Variants in ENTREP2 observed in about 807,000 individuals in gnomAD.
ENTREP2 encodes endosomal transmembrane epsin interactor 2.
the ENTREP2 span, among the ~76,000 whole-genome samples, chr15:29,250,891 G>A: frequency 6.6e-6 from 1 of 152,158 alleles, no homozygotes; most frequent in African/African-American, 2.4e-5. Flanking sequence ...ATATAGGGAT[G>A]AAATCTGATC....
At chr15:29,251,927 T>C in the ENTREP2 span, among the ~76,000 whole-genome samples, 1 of 152,182 alleles carries the variant, frequency 6.6e-6, no homozygotes, top group African/African-American at 2.4e-5. Flanking sequence ...TTCTTTTTAA[T>C]TGAGAAATGC....
the ENTREP2 span, among the ~76,000 whole-genome samples, chr15:29,546,448 AAAG>A: frequency 6.6e-6 from 1 of 152,230 alleles, no homozygotes; most frequent in South Asian, 2.1e-4. Flanking sequence ...GGGTAAAAAA[AAAG>A]AAGGAAAAGG....
At chr15:29,220,458 C>A in the ENTREP2 span, among the ~76,000 whole-genome samples, 1 of 152,120 alleles carries the variant, frequency 6.6e-6, no homozygotes, top group Non-Finnish European at 1.5e-5. Flanking sequence ...TGTGATTTTT[C>A]ACTTTTCATG....
chr15:29,389,175 A>C, the ENTREP2 span, among the ~76,000 whole-genome samples: 1 of 151,692 alleles, frequency 6.6e-6, no homozygotes, highest in Non-Finnish European at 1.5e-5. Flanking sequence ...AAAAGAATGC[A>C]AGTCAGGAAG....
chr15:29,626,066 T>C, the ENTREP2 span, among the ~76,000 whole-genome samples: 2 of 152,330 alleles, frequency 1.3e-5, no homozygotes, highest in African/African-American at 4.8e-5. Flanking sequence ...CAGGCTGGTC[T>C]TGAACTCGTG....
At chr15:29,454,936 C>T in the ENTREP2 span, among the ~76,000 whole-genome samples, 1 of 152,220 alleles carries the variant, frequency 6.6e-6, no homozygotes, top group African/African-American at 2.4e-5. Context: ...GCACTTAGAA[C>T]AGTGGCTGTG....
At chr15:29,511,807 A>G in the ENTREP2 span, among the ~76,000 whole-genome samples, 1 of 146,062 alleles carries the variant, frequency 6.8e-6, no homozygotes, top group East Asian at 2.0e-4. Context: ...CCCTTACCCC[A>G]GCATATCTAG....
At chr15:29,260,869 T>TAC in the ENTREP2 span, among the ~76,000 whole-genome samples, 6 of 152,278 alleles carry the variant, frequency 3.9e-5, no homozygotes, top group Admixed American at 2.0e-4. Flanking sequence ...CTAAAAAGCA[T>TAC]TATTAGGAAT....
At chr15:29,250,683 G>GA in the ENTREP2 span, among the ~76,000 whole-genome samples, 2 of 151,872 alleles carry the variant, frequency 1.3e-5, no homozygotes, top group East Asian at 3.9e-4. Context: ...GAGAGTCTAA[G>GA]AAAAAAATGG....
At chr15:29,600,411 C>T in the ENTREP2 span, among the ~76,000 whole-genome samples, 3 of 151,662 alleles carry the variant, frequency 2.0e-5, no homozygotes, top group Non-Finnish European at 4.4e-5. Context: ...AAATTGGAAA[C>T]TCCAAAGCCC....
the ENTREP2 span, among the ~76,000 whole-genome samples, chr15:29,159,115 C>T: frequency 4.6e-5 from 7 of 152,280 alleles, no homozygotes; most frequent in South Asian, 4.2e-4. Flanking sequence ...TGGACCCTCG[C>T]GCTGAGTGTT....
chr15:29,632,854 T>C, the ENTREP2 span, among the ~76,000 whole-genome samples: 5 of 152,324 alleles, frequency 3.3e-5, no homozygotes, highest in South Asian at 1.0e-3. Context: ...TGGTTTTACA[T>C]CAGGTTTCCC....
the ENTREP2 span, among the ~76,000 whole-genome samples, chr15:29,597,676 C>G: frequency 1.3e-5 from 2 of 151,966 alleles, no homozygotes; most frequent in Non-Finnish European, 2.9e-5. Context: ...TTCATCCATT[C>G]ACCTATTGAA....
At chr15:29,243,632 C>T in the ENTREP2 span, among the ~76,000 whole-genome samples, 357 of 152,192 alleles carry the variant, frequency 2.3e-3, 1 homozygote, top group East Asian at 0.022. Flanking sequence ...CCGAGACCCC[C>T]GGCTCTAGGG....
At chr15:29,509,515 T>C in the ENTREP2 span, among the ~76,000 whole-genome samples, 1 of 152,108 alleles carries the variant, frequency 6.6e-6, no homozygotes, top group Admixed American at 6.5e-5. Flanking sequence ...ACTACAAGAC[T>C]ACAGTAACCA....
At chr15:29,390,821 C>T in the ENTREP2 span, among the ~76,000 whole-genome samples, 1 of 152,178 alleles carries the variant, frequency 6.6e-6, no homozygotes, top group Non-Finnish European at 1.5e-5. Flanking sequence ...TGAAGCAAGT[C>T]CTTCTAGAAC....
the ENTREP2 span, among the ~76,000 whole-genome samples, chr15:29,493,319 G>C: frequency 6.7e-6 from 1 of 150,152 alleles, no homozygotes; most frequent in South Asian, 2.2e-4. Context: ...ATTTTTAGTA[G>C]AGACGGGGTT....
chr15:29,224,222 G>A, the ENTREP2 span, among the ~76,000 whole-genome samples: 2 of 152,134 alleles, frequency 1.3e-5, no homozygotes, highest in African/African-American at 4.8e-5. Context: ...GTCTGGAGTT[G>A]TTCGTTCCTC....
At chr15:29,394,880 C>CATTTTTTTTTTTTTTT in the ENTREP2 span, among the ~76,000 whole-genome samples, 1 of 68,942 alleles carries the variant, frequency 1.5e-5, no homozygotes, top group African/African-American at 5.0e-5. Flanking sequence ...GTGTCAGAAT[C>CATTTTTTTTTTTTTTT]TCTTTTTTTT....
Sources: gnomAD v4.1 joint callset for allele counts (sites outside exome capture counted in the v4.1 genomes callset) on GRCh38, gnomAD v4.1.1 for gene constraint, MANE v1.5 for transcripts, NCBI Gene and HGNC (gene_info 2026-07-23, HGNC 2026-07-21) for gene names.